The following RNF130 variants were observed in gnomAD, a reference collection of about 807,000 sequenced individuals.
The protein encoded by RNF130 is E3 ubiquitin-protein ligase RNF130.
In RNF130, 21 loss-of-function variants were observed where a neutral mutation model predicts 44.6. The ratio of observed to expected loss-of-function variants is 0.47; its 90% confidence interval spans 0.33 to 0.68. The LOEUF (loss-of-function observed/expected upper bound fraction) is 0.68. Among genes scored for constraint, RNF130 ranks in the 30% least tolerant of loss-of-function variants. The pLI, the probability that RNF130 is intolerant of heterozygous loss-of-function variation, is 0.02. For missense variants in RNF130, 479 were observed against 560.6 expected, an observed-to-expected ratio of 0.85 and a Z score of 1.47; for synonymous variants, 214 against 210.4, an observed-to-expected ratio of 1.02 and a Z score of -0.15.
chr5:179,985,623 T>C (rs1203955965), intron 3 of RNF130, among the ~76,000 whole-genome samples: 1 of 152,126 alleles, frequency 6.6e-6, no homozygotes. Context: ...ATAAAACCAA[T>C]TCAGAGGGTT....
At chr5:180,021,336 C>T (rs574751187) in intron 2 of RNF130, among the ~76,000 whole-genome samples, 4 of 152,042 alleles carry the variant, frequency 2.6e-5, no homozygotes, top group Non-Finnish European at 4.4e-5. Flanking sequence ...TTCTCTCCTC[C>T]GGAAAAACAC....
chr5:179,956,809 G>A (rs1762223035), intron 8 of RNF130, among the ~76,000 whole-genome samples: 1 of 152,232 alleles, frequency 6.6e-6, no homozygotes, highest in East Asian at 1.9e-4. Context: ...GCATAGCCCT[G>A]AGCTCTGGCG....
chr5:179,934,539 C>CG (rs1561661759), intron 7 of RNF130, among the ~76,000 whole-genome samples: 34 of 121,740 alleles, frequency 2.8e-4, no homozygotes, highest in African/African-American at 1.0e-3. Flanking sequence ...TCTTTTCTTT[C>CG]CTTTTTTTTT....
At chr5:180,008,184 C>T (rs1001264925) in intron 3 of RNF130, among the ~76,000 whole-genome samples, 38 of 151,824 alleles carry the variant, frequency 2.5e-4, no homozygotes, top group African/African-American at 8.7e-4. Flanking sequence ...GCCCACCACC[C>T]GACCCCAGAA....
downstream of RNF130, among the ~76,000 whole-genome samples, chr5:179,951,824 A>G (rs888042486): frequency 2.6e-5 from 4 of 152,172 alleles, no homozygotes; most frequent in Admixed American, 6.5e-5. Flanking sequence ...TAAATAACCA[A>G]TGGGCCAAAG....
At chr5:180,066,847 CAATAAA>C (rs992431171) in intron 1 of RNF130, among the ~76,000 whole-genome samples, 13 of 151,686 alleles carry the variant, frequency 8.6e-5, no homozygotes, top group East Asian at 1.9e-4. Context: ...AAATAAAATA[CAATAAA>C]AATAAAAATA....
At chr5:180,016,548 C>T (rs191271925) in intron 2 of RNF130, among the ~76,000 whole-genome samples, 9 of 152,358 alleles carry the variant, frequency 5.9e-5, no homozygotes, top group African/African-American at 9.6e-5. Flanking sequence ...CCACGTCTGG[C>T]CGCCAGTACT....
chr5:179,999,470 C>T (rs894119341), intron 3 of RNF130, among the ~76,000 whole-genome samples: 1 of 152,018 alleles, frequency 6.6e-6, no homozygotes, highest in Admixed American at 6.6e-5. Context: ...GCCTGTAATC[C>T]CAGCACTTTG....
intron 3 of RNF130, among the ~76,000 whole-genome samples, chr5:180,002,690 C>A (rs1196503712): frequency 6.6e-6 from 1 of 152,126 alleles, no homozygotes; most frequent in Non-Finnish European, 1.5e-5. Flanking sequence ...CCCAGCTGAT[C>A]CTGGTTAGAG....
chr5:180,041,548 G>A (rs1361961333), intron 1 of RNF130, among the ~76,000 whole-genome samples: 2 of 152,210 alleles, frequency 1.3e-5, no homozygotes, highest in Admixed American at 1.3e-4. Context: ...GCCCCCGGCT[G>A]CTCTTCCCAC....
At chr5:180,049,695 G>C (rs184291491) in intron 1 of RNF130, among the ~76,000 whole-genome samples, 2 of 152,270 alleles carry the variant, frequency 1.3e-5, no homozygotes, top group African/African-American at 4.8e-5. Flanking sequence ...AAATCAGACT[G>C]CAAAAGGAGT....
chr5:180,006,955 A>C (rs1253460062), intron 3 of RNF130, among the ~76,000 whole-genome samples: 1 of 152,214 alleles, frequency 6.6e-6, no homozygotes, highest in Non-Finnish European at 1.5e-5. Flanking sequence ...AACCACAGAC[A>C]CTTAGTCATG....
At chr5:179,971,365 G>T (rs555739447) in intron 5 of RNF130, among the ~76,000 whole-genome samples, 7 of 152,230 alleles carry the variant, frequency 4.6e-5, no homozygotes, top group African/African-American at 1.4e-4. Context: ...TAAGATAAAA[G>T]AAATTTTTGT....
At chr5:179,925,245 A>T (rs1761689239) in intron 7 of RNF130, among the ~76,000 whole-genome samples, 1 of 151,966 alleles carries the variant, frequency 6.6e-6, no homozygotes, top group South Asian at 2.1e-4. Flanking sequence ...GCCTCCAGGG[A>T]GCGGAGAGGG....
At chr5:180,067,219 C>G (rs1227288547) in intron 1 of RNF130, among the ~76,000 whole-genome samples, 1 of 152,180 alleles carries the variant, frequency 6.6e-6, no homozygotes. Flanking sequence ...CTCCCTTCTG[C>G]TCCCCTCCAT....
At chr5:180,058,552 T>C (rs754804222) in intron 1 of RNF130, among the ~76,000 whole-genome samples, 2 of 151,906 alleles carry the variant, frequency 1.3e-5, no homozygotes, top group African/African-American at 2.4e-5. Flanking sequence ...ATTTAATGGG[T>C]ATGTTTTTAT....
At chr5:180,011,809 A>T (rs1763602403) in intron 3 of RNF130, among the ~76,000 whole-genome samples, 1 of 152,184 alleles carries the variant, frequency 6.6e-6, no homozygotes, top group Non-Finnish European at 1.5e-5. Context: ...ATAGTTACAT[A>T]GAAAAGGAAA....
intron 2 of RNF130, among the ~76,000 whole-genome samples, chr5:180,020,732 G>C (rs1015829305): frequency 6.6e-6 from 1 of 152,090 alleles, no homozygotes; most frequent in Non-Finnish European, 1.5e-5. Flanking sequence ...GAAAGAAAAG[G>C]GGGCAGGAGC....
intron 7 of RNF130, among the ~76,000 whole-genome samples, chr5:179,921,110 GCTTTACTGGGGTATAA>G (rs1761626322): frequency 6.6e-6 from 1 of 151,946 alleles, no homozygotes; most frequent in African/African-American, 2.4e-5. Flanking sequence ...CTGTTTTTAA[GCTTTACTGGGGTATAA>G]CTGACATACA....
Sources: gnomAD v4.1 joint callset for allele counts (sites outside exome capture counted in the v4.1 genomes callset) on GRCh38, gnomAD v4.1.1 for gene constraint, MANE v1.5 for transcripts, NCBI Gene and HGNC (gene_info 2026-07-23, HGNC 2026-07-21) for gene names.